The following KIF18A variants were observed in gnomAD, a reference collection of about 807,000 sequenced individuals.
KIF18A encodes kinesin family member 18A, also known as kinesin-like protein KIF18A.
A neutral mutation model predicts 103.3 loss-of-function variants in KIF18A; 67 were observed. The observed-to-expected ratio is 0.65, with a 90% CI of 0.53 to 0.79. The LOEUF (loss-of-function observed/expected upper bound fraction) is 0.79. Among genes scored for constraint, KIF18A ranks in the 30% least tolerant of loss-of-function variants. The probability of loss-of-function intolerance (pLI) is 0.00; values close to 1 mark genes in which losing one functional copy is unlikely to be tolerated. For synonymous variants in KIF18A, 367 were observed against 355.5 expected (o/e 1.03, Z -0.36); for missense variants, 1,032 against 1,062.5 (o/e 0.97, Z 0.40).
chr11:28,070,158 T>C (rs1403613501), intron 10 of KIF18A, among the ~76,000 whole-genome samples: 2 of 151,996 alleles, frequency 1.3e-5, no homozygotes, highest in Admixed American at 1.3e-4. Flanking sequence ...CCTGAAACAG[T>C]GGATCCCCAA....
chr11:28,096,173 C>CAAAAAAAAA (rs1156735166), intron 2 of KIF18A, among the ~76,000 whole-genome samples: 6 of 49,686 alleles, frequency 1.2e-4, no homozygotes, highest in African/African-American at 3.6e-4. Flanking sequence ...AAGACTTCAT[C>CAAAAAAAAA]AAAAAAAAAA....
At chr11:28,049,388 T>C (rs909168800) in intron 13 of KIF18A, among the ~76,000 whole-genome samples, 2 of 152,022 alleles carry the variant, frequency 1.3e-5, no homozygotes, top group Non-Finnish European at 2.9e-5. Context: ...GGGTCATCTT[T>C]TGATGTGCCA....
intron 11 of KIF18A, among the ~76,000 whole-genome samples, chr11:28,068,110 C>T (rs1010384093): frequency 3.9e-5 from 6 of 152,062 alleles, no homozygotes; most frequent in African/African-American, 9.7e-5. Context: ...AATGAGTTCA[C>T]GTCCTTTGCA....
chr11:28,044,599 T>C (rs1197674708), intron 13 of KIF18A, among the ~76,000 whole-genome samples: 1 of 152,090 alleles, frequency 6.6e-6, no homozygotes, highest in Non-Finnish European at 1.5e-5. Flanking sequence ...AGATTCCCGC[T>C]TCAAAAAGTT....
intron 15 of KIF18A, 140 bp downstream of exon 15, chr11:28,035,247 C>T (rs1850469468): frequency 2.5e-6 from 1 of 407,244 alleles, no homozygotes; most frequent in African/African-American, 2.1e-5. Context: ...ATCCAGTACC[C>T]CATTCAGAGA....
At chr11:28,072,979 T>C (rs1851040485) in intron 10 of KIF18A, among the ~76,000 whole-genome samples, 1 of 152,164 alleles carries the variant, frequency 6.6e-6, no homozygotes, top group Non-Finnish European at 1.5e-5. Context: ...AAAGTTTTGA[T>C]AATGCTACTC....
At chr11:28,023,061 A>G (rs1850266375) in intron 16 of KIF18A, among the ~76,000 whole-genome samples, 1 of 152,206 alleles carries the variant, frequency 6.6e-6, no homozygotes, top group Non-Finnish European at 1.5e-5. Flanking sequence ...TAGTGAATAA[A>G]TAGTTTCTGA....
chr11:28,068,111 G>A (rs1450675028), intron 11 of KIF18A, among the ~76,000 whole-genome samples: 2 of 152,166 alleles, frequency 1.3e-5, no homozygotes, highest in East Asian at 1.9e-4. Context: ...ATGAGTTCAC[G>A]TCCTTTGCAG....
chr11:28,094,822 C>G, intron 2 of KIF18A, 22 bp from the exon 3 acceptor site: 2 of 1,608,104 alleles, frequency 1.2e-6, no homozygotes, highest in Non-Finnish European at 1.7e-6. Flanking sequence ...AGAAAGGGAT[C>G]AAAACTCTTT....
At chr11:28,072,184 A>T (rs990726045) in intron 10 of KIF18A, among the ~76,000 whole-genome samples, 1 of 152,192 alleles carries the variant, frequency 6.6e-6, no homozygotes, top group East Asian at 1.9e-4. Flanking sequence ...AAAGCTTTAC[A>T]TATTTCATTA....
intron 1 of KIF18A, among the ~76,000 whole-genome samples, chr11:28,104,696 A>G (rs1184271770): frequency 6.6e-6 from 1 of 152,212 alleles, no homozygotes; most frequent in Non-Finnish European, 1.5e-5. Flanking sequence ...GAATGTAAGC[A>G]CTGTGAGAGC....
intron 15 of KIF18A, among the ~76,000 whole-genome samples, chr11:28,033,138 A>C (rs1439833194): frequency 6.6e-6 from 1 of 151,882 alleles, no homozygotes; most frequent in African/African-American, 2.4e-5. Flanking sequence ...AGAAAAATGT[A>C]AATCAAAACT....
At chr11:28,064,710 T>C (rs1430186169) in intron 11 of KIF18A, among the ~76,000 whole-genome samples, 3 of 152,102 alleles carry the variant, frequency 2.0e-5, no homozygotes, top group East Asian at 1.9e-4. Flanking sequence ...GTATTAGTAA[T>C]AATGGGTCTT....
At chr11:28,045,759 G>T (rs956999499) in intron 13 of KIF18A, among the ~76,000 whole-genome samples, 2 of 151,986 alleles carry the variant, frequency 1.3e-5, no homozygotes, top group Admixed American at 6.6e-5. Context: ...CAGCAGTATA[G>T]CATACTGTTT....
Position 28,036,520 on chromosome 11 carries a change from T to C in KIF18A, c.2093A>G (p.Lys698Arg). The change falls in exon 14 of 17, where the codon AAA (lysine) becomes AGA (arginine). Residue 698 changes from lysine to arginine, a missense_variant. Transcript: ENST00000263181. Reference protein sequence around the residue: ...QSVQLNDSLSKELQPIVYTPE... With the variant: ...QSVQLNDSLSRELQPIVYTPE... Reference sequence around the variant, plus strand: ...TGTATATACAATAGGCTGAAGTTCTTTGCTAAGAGAATCATTGAGCTGCAC... The same window carrying C: ...TGTATATACAATAGGCTGAAGTTCTCTGCTAAGAGAATCATTGAGCTGCAC... 1 of 1,611,432 alleles carries C rather than the reference T, an allele frequency of 6.2e-7. No homozygotes were observed. The highest frequency in any genetic ancestry group is 8.5e-7 in the Non-Finnish European group (1 of 1,178,350).
intron 9 of KIF18A, among the ~76,000 whole-genome samples, chr11:28,077,450 T>C (rs992664283): frequency 6.6e-6 from 1 of 152,210 alleles, no homozygotes; most frequent in Admixed American, 6.5e-5. Context: ...GCTAACATAC[T>C]GCATTTTGTC....
intron 11 of KIF18A, among the ~76,000 whole-genome samples, chr11:28,067,015 T>A (rs964036063): frequency 3.3e-5 from 5 of 151,828 alleles, no homozygotes; most frequent in Non-Finnish European, 7.4e-5. Flanking sequence ...ATATCTTAAA[T>A]ACATTTACAG....
intron 9 of KIF18A, 45 bp from the exon 10 acceptor site, chr11:28,077,214 C>G (rs914649651): frequency 7.4e-6 from 10 of 1,351,010 alleles, no homozygotes; most frequent in Non-Finnish European, 8.0e-6. Context: ...AATTTTGTAG[C>G]AAATCATACA....
intron 2 of KIF18A, 32 bp downstream of exon 2, chr11:28,097,591 A>C: frequency 1.9e-5 from 26 of 1,351,408 alleles, no homozygotes; most frequent in Non-Finnish European, 2.8e-5. Context: ...GAAATCGGAT[A>C]GAGAAATTAA....
Sources: gnomAD v4.1 joint callset for allele counts (sites outside exome capture counted in the v4.1 genomes callset) on GRCh38, gnomAD v4.1.1 for gene constraint, MANE v1.5 for transcripts, NCBI Gene and HGNC (gene_info 2026-07-23, HGNC 2026-07-21) for gene names.